The following SYT16 variants were observed in gnomAD, a reference collection of about 807,000 sequenced individuals.
The protein encoded by SYT16 is synaptotagmin-16.
In SYT16, 42 loss-of-function variants were observed where a neutral mutation model predicts 61.4. The observed-to-expected ratio is 0.68, with a 90% CI of 0.53 to 0.89. SYT16 has a LOEUF of 0.89. Among genes scored for constraint, SYT16 ranks in the 40% least tolerant of loss-of-function variants. The pLI, the probability that SYT16 is intolerant of heterozygous loss-of-function variation, is 0.00. For missense variants in SYT16, 804 were observed against 807.3 expected (o/e 1.00, Z 0.05); for synonymous variants, 314 against 302.3 (o/e 1.04, Z -0.40).
chr14:61,924,775 A>AT (rs1457056339), intron 1 of SYT16, among the ~76,000 whole-genome samples: 2 of 152,212 alleles, frequency 1.3e-5, no homozygotes, highest in African/African-American at 4.8e-5. Flanking sequence ...GTATGGATTA[A>AT]ATAAATTTGC....
chr14:62,065,524 A>G (rs1339100809), intron 3 of SYT16, among the ~76,000 whole-genome samples: 1 of 152,266 alleles, frequency 6.6e-6, no homozygotes, highest in African/African-American at 2.4e-5. Context: ...CAAGAACCAT[A>G]TACTAATAAA....
intron 1 of SYT16, among the ~76,000 whole-genome samples, chr14:61,883,341 T>G (rs2047772407): frequency 1.3e-5 from 2 of 152,350 alleles, no homozygotes; most frequent in East Asian, 3.9e-4. Context: ...AACACTTTAC[T>G]GCTTAGAAAT....
Position 61,821,407 on chromosome 14 carries a change from C to A in SYT16, c.-325+8597C>A, listed in dbSNP as rs74057504. ...GTGGCTTAAAAAAACACTTATCTGTCATTCCACAGCTCTGTAGGTCAGGAG... is the reference window on the plus strand; with the variant it reads ...GTGGCTTAAAAAAACACTTATCTGTAATTCCACAGCTCTGTAGGTCAGGAG... On this transcript the variant is annotated intron_variant, in intron 1 of 7. Transcript: ENST00000683842. 5.8e-3 allele frequency among the ~76,000 whole-genome samples: 876 copies of A among 152,302 alleles called. 5 individuals carry two copies. The highest frequency in any genetic ancestry group is 0.02 in the African/African-American group (836 of 41,572).
chr14:61,902,885 A>C (rs1255940098), intron 1 of SYT16, among the ~76,000 whole-genome samples: 2 of 152,210 alleles, frequency 1.3e-5, no homozygotes, highest in Non-Finnish European at 2.9e-5. Flanking sequence ...CCACGAGAAC[A>C]GTATGGGGGA....
chr14:62,046,959 A>G (rs1242927457), intron 3 of SYT16, among the ~76,000 whole-genome samples: 2 of 152,182 alleles, frequency 1.3e-5, no homozygotes, highest in African/African-American at 4.8e-5. Flanking sequence ...TTCCATATGA[A>G]CTTTCAAATA....
At chr14:61,833,144 C>T (rs1180937374) in intron 1 of SYT16, among the ~76,000 whole-genome samples, 3 of 152,116 alleles carry the variant, frequency 2.0e-5, no homozygotes, top group Non-Finnish European at 2.9e-5. Flanking sequence ...TACTGTATCC[C>T]TAGGAATTTT....
At chr14:61,864,743 A>G in intron 1 of SYT16, 1 of 993,796 alleles carries the variant, frequency 1.0e-6, no homozygotes, top group Non-Finnish European at 1.5e-6. Context: ...TCCACTCGCT[A>G]CCTGGTTAAT....
intron 1 of SYT16, among the ~76,000 whole-genome samples, chr14:61,968,353 G>C (rs1329819524): frequency 6.6e-6 from 1 of 152,148 alleles, no homozygotes; most frequent in Non-Finnish European, 1.5e-5. Context: ...GGAGCATGTG[G>C]TGGTGAGGAG....
At chr14:61,916,212 T>G (rs563905302) in intron 1 of SYT16, among the ~76,000 whole-genome samples, 3 of 152,306 alleles carry the variant, frequency 2.0e-5, no homozygotes, top group African/African-American at 7.2e-5. Context: ...TTTTCTTTTG[T>G]GGAGCAAAAT....
intron 2 of SYT16, among the ~76,000 whole-genome samples, chr14:61,972,280 A>C (rs2051594188): frequency 6.6e-6 from 1 of 152,210 alleles, no homozygotes. Context: ...GCAAACTATA[A>C]TGGTTATGAG....
At chr14:62,004,442 C>T (rs527909981) in intron 3 of SYT16, among the ~76,000 whole-genome samples, 4 of 152,028 alleles carry the variant, frequency 2.6e-5, no homozygotes, top group Non-Finnish European at 4.4e-5. Flanking sequence ...TGAGTGGGGA[C>T]ACAGAGGGAA....
At chr14:61,981,576 T>C (rs1268542803) in intron 2 of SYT16, among the ~76,000 whole-genome samples, 2 of 152,218 alleles carry the variant, frequency 1.3e-5, no homozygotes, top group Non-Finnish European at 2.9e-5. Flanking sequence ...CGTCTCCATT[T>C]TCTTGTTTCC....
intron 4 of SYT16, 53 bp from the exon 5 acceptor site, chr14:62,075,082 A>T (rs1239135386): frequency 6.5e-7 from 1 of 1,533,538 alleles, no homozygotes; most frequent in East Asian, 2.4e-5. Context: ...TTCTCTAGGT[A>T]AAAAGGTGTT....
At chr14:61,864,824 TA>T in intron 1 of SYT16, 1 of 1,005,002 alleles carries the variant, frequency 1.0e-6, no homozygotes, top group Admixed American at 2.0e-5. Flanking sequence ...AGTCTACCAT[TA>T]TGACGGTGGG....
chr14:62,058,391 T>C (rs1431636165), intron 3 of SYT16, among the ~76,000 whole-genome samples: 1 of 145,598 alleles, frequency 6.9e-6, no homozygotes, highest in Non-Finnish European at 1.5e-5. Flanking sequence ...GTCACCCAGC[T>C]CTGTCACCCA....
chr14:62,039,834 TACACACACACACACACACACACAC>T (rs71449576), intron 3 of SYT16, among the ~76,000 whole-genome samples: 5 of 124,344 alleles, frequency 4.0e-5, no homozygotes, highest in Non-Finnish European at 7.0e-5. Flanking sequence ...GGCTTAAGCA[TACACACACACACACACACACACAC>T]ACACACACAC....
intron 7 of SYT16, among the ~76,000 whole-genome samples, chr14:62,089,775 A>C (rs866799824): frequency 6.6e-6 from 1 of 152,356 alleles, no homozygotes; most frequent in African/African-American, 2.4e-5. Context: ...CTGATGGCAA[A>C]TGATAACCTC....
intron 2 of SYT16, among the ~76,000 whole-genome samples, chr14:61,974,057 G>T (rs2051677977): frequency 6.6e-6 from 1 of 152,150 alleles, no homozygotes; most frequent in South Asian, 2.1e-4. Context: ...ATGTGGGCCT[G>T]GGGGGCTGTG....
intron 3 of SYT16, among the ~76,000 whole-genome samples, chr14:62,018,752 C>G (rs2053802913): frequency 6.6e-6 from 1 of 152,182 alleles, no homozygotes; most frequent in Non-Finnish European, 1.5e-5. Context: ...TCAGAGGTCT[C>G]CCTGACTACA....
Sources: allele counts gnomAD v4.1 joint callset (sites outside exome capture counted in the v4.1 genomes callset), GRCh38; gene constraint gnomAD v4.1.1; transcripts MANE v1.5; gene names NCBI Gene and HGNC (gene_info 2026-07-23, HGNC 2026-07-21).